The following NR6A1 variants were observed in gnomAD, a reference collection of about 807,000 sequenced individuals.
NR6A1 encodes the protein nuclear receptor subfamily 6 group A member 1.
NR6A1 carries 7 observed loss-of-function variants against 59.1 expected under a neutral mutation model. The observed-to-expected ratio is 0.12, with a 90% CI of 0.07 to 0.22. The LOEUF is 0.22. Ranked by LOEUF, NR6A1 falls within the 10% of genes least tolerant of loss-of-function variation. The pLI is 1.00. For missense variants in NR6A1, 468 were observed against 611.6 expected (o/e 0.77, Z 2.48); for synonymous variants, 243 against 236.1 (o/e 1.03, Z -0.27).
intron 2 of NR6A1, among the ~76,000 whole-genome samples, chr9:124,655,368 T>C (rs1445063391): frequency 6.6e-6 from 1 of 152,204 alleles, no homozygotes; most frequent in Non-Finnish European, 1.5e-5. Context: ...ATCTATTAAA[T>C]GAAGATAACA....
intron 2 of NR6A1, among the ~76,000 whole-genome samples, chr9:124,636,332 T>C (rs1360789468): frequency 1.3e-5 from 2 of 152,242 alleles, no homozygotes; most frequent in African/African-American, 4.8e-5. Context: ...AGGTATGTTT[T>C]TTTTCAGATG....
rs552923490 is a variant in NR6A1, at chr9:124,704,689, G to C, written c.142+28619C>G. On this transcript the variant is annotated intron_variant, in intron 2 of 9. Coordinates refer to ENST00000487099, the MANE Select transcript of NR6A1 (RefSeq NM_033334.4). ...AAATCTTCCTCTAAGCACAGCTTCA[G>C]CTACATTTCATAAATTTTGATATGT... is the stretch of plus-strand genomic sequence containing the variant. 3.9e-5 allele frequency among the ~76,000 whole-genome samples: 6 copies of C among 152,136 alleles called. No homozygotes were observed. In the East Asian group the frequency reaches 1.2e-3, roughly 29 times the overall value.
chr9:124,707,801 C>CT (rs947608145), intron 2 of NR6A1, among the ~76,000 whole-genome samples: 1 of 152,150 alleles, frequency 6.6e-6, no homozygotes, highest in African/African-American at 2.4e-5. Context: ...GGAGATACCC[C>CT]TCTAACTGTA....
chr9:124,623,743 TG>T (rs1171003283), intron 2 of NR6A1, among the ~76,000 whole-genome samples: 1 of 152,188 alleles, frequency 6.6e-6, no homozygotes, highest in Non-Finnish European at 1.5e-5. Context: ...CTGTTTTAGC[TG>T]TTCTAGCCCT....
chr9:124,600,014 T>G (rs1835403028), intron 2 of NR6A1, among the ~76,000 whole-genome samples: 1 of 152,200 alleles, frequency 6.6e-6, no homozygotes. Flanking sequence ...GCAAATCTAG[T>G]GGCCACATGA....
In NR6A1 at chr9:124,676,440, T is replaced by TAA. The variant is rs995704673; in HGVS notation, c.142+56866_142+56867dup. Among the ~76,000 whole-genome samples the TAA allele has an allele frequency of 5.4e-5, 8 of 147,158 alleles. No individual in the cohort carries two copies. The East Asian group carries it at 1.6e-3, about 29-fold the overall frequency. ...GAGGGAGACTTTCTTGCCTTTTATT[T>TAA]AAAAAAAAAAATGACCTACATATAG... On this transcript the variant is annotated intron_variant, in intron 2 of 9. Transcript: ENST00000487099.
At position 124,707,214 on chromosome 9, in the gene NR6A1, T is replaced by C. The variant is rs148210090; in HGVS notation, c.142+26094A>G. 2.9e-3 allele frequency among the ~76,000 whole-genome samples: 440 copies of C among 152,262 alleles called. 4 individuals carry two copies. Among genetic ancestry groups the C allele is most frequent in the African/African-American group, 0.01 (433 of 41,566 alleles). On this transcript the variant is annotated intron_variant, in intron 2 of 9. Coordinates refer to ENST00000487099, the MANE Select transcript of NR6A1 (RefSeq NM_033334.4). ...CAATCTTTTTTCTCTGTTCTTCATATTGAATATTTTTAATTCATCTATCTA... is the reference window on the plus strand; with the variant it reads ...CAATCTTTTTTCTCTGTTCTTCATACTGAATATTTTTAATTCATCTATCTA...
At chr9:124,687,152 T>A (rs1838360685) in intron 2 of NR6A1, among the ~76,000 whole-genome samples, 1 of 151,676 alleles carries the variant, frequency 6.6e-6, no homozygotes. Context: ...CAGGTCACAC[T>A]CTGTCACTCA....
At chr9:124,749,761 G>A (rs4836991) in intron 1 of NR6A1, among the ~76,000 whole-genome samples, 90,538 of 151,958 alleles carry the variant, frequency 0.6, 28,252 homozygotes, top group African/African-American at 0.8. Flanking sequence ...ACCCTGCCCC[G>A]CTAAAATCAC....
chr9:124,734,255 G>A (rs925809498), intron 1 of NR6A1, among the ~76,000 whole-genome samples: 6 of 152,164 alleles, frequency 3.9e-5, no homozygotes, highest in Non-Finnish European at 5.9e-5. Context: ...CTTGTTCAGC[G>A]TCTGACCACA....
At chr9:124,626,643 C>A (rs900413217) in intron 2 of NR6A1, among the ~76,000 whole-genome samples, 1 of 152,110 alleles carries the variant, frequency 6.6e-6, no homozygotes, top group African/African-American at 2.4e-5. Context: ...CCTAATAATA[C>A]TGGAGCTTCA....
chr9:124,751,118 C>T (rs756221914), intron 1 of NR6A1, among the ~76,000 whole-genome samples: 1 of 152,144 alleles, frequency 6.6e-6, no homozygotes. Context: ...AAGGTTGCTG[C>T]ATGTAATTAT....
rs1165954150 is a variant in NR6A1 at position 124,579,426 on chromosome 9, C to T, written c.143-24856G>A. On this transcript the variant is annotated intron_variant, in intron 2 of 9. Transcript: ENST00000487099. Reference sequence around the variant, plus strand: ...CTTAGCCAAGTGTGGTGGCATGTGCCTGTAGTCCCAGCTACTCAGGAGGCT... The same window carrying T: ...CTTAGCCAAGTGTGGTGGCATGTGCTTGTAGTCCCAGCTACTCAGGAGGCT... 2.0e-5 allele frequency among the ~76,000 whole-genome samples: 3 copies of T among 152,350 alleles called. No homozygotes were observed. The South Asian group carries it at 6.2e-4, about 32-fold the overall frequency.
intron 2 of NR6A1, among the ~76,000 whole-genome samples, chr9:124,587,028 T>C (rs1466758243): frequency 1.3e-5 from 2 of 152,242 alleles, no homozygotes; most frequent in African/African-American, 4.8e-5. Flanking sequence ...ATCGGCTTCA[T>C]TGCCTTATTT....
At chr9:124,770,538 A>G (rs1181937165) in intron 1 of NR6A1, among the ~76,000 whole-genome samples, 1 of 149,800 alleles carries the variant, frequency 6.7e-6, no homozygotes, top group Non-Finnish European at 1.5e-5. Flanking sequence ...GAACCCCTGT[A>G]GGGGAAAAGA....
intron 2 of NR6A1, among the ~76,000 whole-genome samples, chr9:124,732,158 A>C (rs1250877500): frequency 6.6e-6 from 1 of 152,218 alleles, no homozygotes; most frequent in African/African-American, 2.4e-5. Context: ...ATATGTGAGA[A>C]GGTCCACCAC....
chr9:124,771,210 T>G lies in NR6A1; in HGVS notation c.-91A>C. Reference sequence around the variant, plus strand: ...GTCGTCGTCCGCCGAGGGGAGGAGGTTGTCAGGAGCCCGCGAGCTCCCGGC... The same window carrying G: ...GTCGTCGTCCGCCGAGGGGAGGAGGGTGTCAGGAGCCCGCGAGCTCCCGGC... On this transcript the variant is annotated 5_prime_UTR_variant, in exon 1 of 10. Transcript: ENST00000487099. 1.4e-6 allele frequency: 1 copy of G among 703,248 alleles called. No homozygotes were observed. Among genetic ancestry groups the G allele is most frequent in the African/African-American group, 1.8e-5 (1 of 54,144 alleles). 43.6% of individuals were successfully genotyped at this position (703,248 alleles called of 1,614,324 possible).
At chr9:124,572,639 C>T (rs186254120) in intron 2 of NR6A1, among the ~76,000 whole-genome samples, 17 of 152,254 alleles carry the variant, frequency 1.1e-4, no homozygotes, top group Non-Finnish European at 1.9e-4. Context: ...TGTTCGCACA[C>T]GTCAGTGGAA....
chr9:124,712,919 A>G (rs914218671), intron 2 of NR6A1, among the ~76,000 whole-genome samples: 2 of 152,176 alleles, frequency 1.3e-5, no homozygotes, highest in African/African-American at 4.8e-5. Flanking sequence ...AACACCACTC[A>G]TGATAAAAAA....
Sources: allele counts gnomAD v4.1 joint callset (sites outside exome capture counted in the v4.1 genomes callset), GRCh38; gene constraint gnomAD v4.1.1; transcripts MANE v1.5; gene names NCBI Gene and HGNC (gene_info 2026-07-23, HGNC 2026-07-21).